HERC3: variants seen among roughly 807,000 people sequenced by gnomAD.
HERC3 encodes the protein HECT and RLD domain containing E3 ubiquitin protein ligase 3.
In HERC3, 58 loss-of-function variants were observed where a neutral mutation model predicts 129.9. The ratio of observed to expected loss-of-function variants is 0.45; its 90% CI spans 0.36 to 0.56. HERC3 has a LOEUF of 0.56. Among genes scored for constraint, HERC3 ranks in the 20% least tolerant of loss-of-function variants. HERC3 has a pLI of 0.00. For synonymous variants in HERC3, 430 were observed against 451.0 expected, an observed-to-expected ratio of 0.95 and a Z score of 0.59; for missense variants, 835 against 1,244.2, an observed-to-expected ratio of 0.67 and a Z score of 4.95.
chr4:88,580,144 A>C, the HERC3 span, among the ~76,000 whole-genome samples: 1 of 152,190 alleles, frequency 6.6e-6, no homozygotes, highest in Admixed American at 6.5e-5. Context: ...TAAATAAAAA[A>C]CGACAGTGTT....
At chr4:88,688,758 T>G (rs1733747234) in intron 23 of HERC3, among the ~76,000 whole-genome samples, 2 of 152,220 alleles carry the variant, frequency 1.3e-5, no homozygotes, top group South Asian at 4.1e-4. Flanking sequence ...CAATCACTAT[T>G]AAATTTGAGG....
chr4:88,675,614 G>A (rs1326387390), intron 16 of HERC3, among the ~76,000 whole-genome samples: 1 of 151,746 alleles, frequency 6.6e-6, no homozygotes, highest in Non-Finnish European at 1.5e-5. Context: ...TGTGGTTGTG[G>A]GTTTTTTACC....
At chr4:88,699,433 A>G (rs891944991) in intron 23 of HERC3, among the ~76,000 whole-genome samples, 1 of 136,846 alleles carries the variant, frequency 7.3e-6, no homozygotes, top group Non-Finnish European at 1.5e-5. Flanking sequence ...CCTTCCCCCA[A>G]CCGTCTTCTT....
At chr4:88,602,781 CTG>C (rs1422714135) in intron 2 of HERC3, among the ~76,000 whole-genome samples, 14 of 152,274 alleles carry the variant, frequency 9.2e-5, no homozygotes, top group African/African-American at 3.4e-4. Flanking sequence ...TGCCTGGTCA[CTG>C]TTTTCTTTCA....
chr4:88,549,808 G>A, the HERC3 span, among the ~76,000 whole-genome samples: 234 of 151,928 alleles, frequency 1.5e-3, no homozygotes, highest in African/African-American at 5.3e-3. Flanking sequence ...AGGTTCAAGC[G>A]ATTATCCTGC....
chr4:88,704,524 G>A lies in HERC3; in HGVS notation c.2858G>A (p.Gly953Glu). 6.2e-7 allele frequency: 1 copy of A among 1,609,072 alleles called. No homozygotes were observed. Among genetic ancestry groups the A allele is most frequent in the Middle Eastern group, 1.7e-4 (1 of 6,056 alleles). The stretch of plus-strand genomic sequence containing the variant: ...TTTGGACAGACTGCCATCTACAAGG[G>A]AGATTACTCGGCCACACATCCCACT... ...EELEETAIYK[G>E]DYSATHPTVK... Residue 953 changes from glycine (G) to glutamate (E), a missense_variant, in exon 25 of 26, where the codon GGA becomes GAA. Gly to Glu is a moderately conservative substitution (Grantham distance 98). Coordinates refer to ENST00000402738, the MANE Select transcript of HERC3 (RefSeq NM_014606.3).
At position 88,664,253 on chromosome 4, in the gene HERC3, G is replaced by A. The variant is rs762596916; in HGVS notation, c.1331+41G>A. ...CCTTAAAAAACCCTCACGTGTACCT[G>A]TAGTCTCAAGCTATTTGGAAGGCTG... On this transcript the variant is annotated intron_variant, in intron 12 of 25. Transcript: ENST00000402738. 6 of 1,489,460 alleles carry A rather than the reference G, an allele frequency of 4.0e-6. No homozygotes were observed. In the African/African-American group the frequency reaches 6.9e-5, roughly 17 times the overall value. 92.3% of individuals were successfully genotyped at this position (1,489,460 alleles called of 1,614,324 possible).
At chr4:88,670,683 T>C (rs1731515375) in intron 16 of HERC3, among the ~76,000 whole-genome samples, 1 of 152,092 alleles carries the variant, frequency 6.6e-6, no homozygotes, top group South Asian at 2.1e-4. Context: ...CACTTAAAAA[T>C]GCTTAAGATG....
chr4:88,613,925 AT>A (rs904271431), intron 3 of HERC3, among the ~76,000 whole-genome samples: 1 of 149,830 alleles, frequency 6.7e-6, no homozygotes, highest in African/African-American at 2.5e-5. Flanking sequence ...AGAAACTGTC[AT>A]TTAATAATTT....
chr4:88,670,054 G>T (rs950599593), intron 15 of HERC3, 31 bp downstream of exon 15: 2 of 1,608,072 alleles, frequency 1.2e-6, no homozygotes, highest in Admixed American at 1.7e-5. Flanking sequence ...TGGGGAGGGG[G>T]TGATTAGATG....
chr4:88,643,791 A>C (rs1037944673), intron 3 of HERC3, among the ~76,000 whole-genome samples: 1 of 152,212 alleles, frequency 6.6e-6, no homozygotes, highest in African/African-American at 2.4e-5. Context: ...TAAAGCTTTC[A>C]GAAGAAAGCA....
At chr4:88,630,795 A>G (rs1726659370) in intron 3 of HERC3, among the ~76,000 whole-genome samples, 1 of 152,194 alleles carries the variant, frequency 6.6e-6, no homozygotes, top group Non-Finnish European at 1.5e-5. Context: ...CAGAACCCAT[A>G]GGTGGTTTTC....
At chr4:88,700,277 A>G (rs554156766) in intron 23 of HERC3, among the ~76,000 whole-genome samples, 16 of 152,142 alleles carry the variant, frequency 1.1e-4, no homozygotes, top group Non-Finnish European at 7.4e-5. Flanking sequence ...CTCTATGAGC[A>G]TGGACTTTTA....
At chr4:88,572,491 T>C in the HERC3 span, among the ~76,000 whole-genome samples, 3 of 151,930 alleles carry the variant, frequency 2.0e-5, no homozygotes, top group Non-Finnish European at 4.4e-5. Context: ...CAAAAATCAA[T>C]TTATCAATAT....
the HERC3 span, among the ~76,000 whole-genome samples, chr4:88,544,251 G>A: frequency 2.0e-5 from 3 of 152,150 alleles, no homozygotes; most frequent in Non-Finnish European, 4.4e-5. Context: ...CCTTCAAAAA[G>A]TGGACGAAGA....
intron 10 of HERC3, among the ~76,000 whole-genome samples, chr4:88,659,364 A>T (rs1730245101): frequency 6.6e-6 from 1 of 152,138 alleles, no homozygotes; most frequent in Non-Finnish European, 1.5e-5. Flanking sequence ...TGTCTTGGAA[A>T]CTTTCTCTAT....
At chr4:88,622,072 C>T (rs1725579462) in intron 3 of HERC3, among the ~76,000 whole-genome samples, 1 of 152,206 alleles carries the variant, frequency 6.6e-6, no homozygotes, top group Non-Finnish European at 1.5e-5. Flanking sequence ...GTTGTATAAT[C>T]ATCACCACAA....
chr4:88,552,836 A>G, the HERC3 span, among the ~76,000 whole-genome samples: 2 of 152,134 alleles, frequency 1.3e-5, no homozygotes, highest in Non-Finnish European at 2.9e-5. Flanking sequence ...AAACTGACCT[A>G]CTAATGGGCC....
upstream of HERC3, among the ~76,000 whole-genome samples, chr4:88,591,005 T>C (rs1422938071): frequency 6.6e-6 from 1 of 151,714 alleles, no homozygotes; most frequent in Non-Finnish European, 1.5e-5. Context: ...TTCTCCTGCC[T>C]CAGCCTCCTG....
Sources: allele counts gnomAD v4.1 joint callset (sites outside exome capture counted in the v4.1 genomes callset), GRCh38; gene constraint gnomAD v4.1.1; transcripts MANE v1.5; gene names NCBI Gene and HGNC (gene_info 2026-07-23, HGNC 2026-07-21).